The following PTPN5 variants were observed in gnomAD, a reference collection of about 807,000 sequenced individuals.
The protein encoded by PTPN5 is tyrosine-protein phosphatase non-receptor type 5.
Under a neutral mutation model 73.9 loss-of-function variants are expected in PTPN5, and 29 were observed. The ratio of observed to expected loss-of-function variants is 0.39; its 90% confidence interval spans 0.29 to 0.54. The LOEUF is 0.54. Ranked by LOEUF, PTPN5 falls within the 20% of genes least tolerant of loss-of-function variation. The pLI is 0.65. For missense variants in PTPN5, 652 were observed against 751.4 expected, an observed-to-expected ratio of 0.87 and a Z score of 1.55; for synonymous variants, 267 against 304.7, an observed-to-expected ratio of 0.88 and a Z score of 1.29.
At chr11:18,746,162 A>AATATATAT (rs773490900) in intron 3 of PTPN5, among the ~76,000 whole-genome samples, 1,932 of 67,500 alleles carry the variant, frequency 0.029, 86 homozygotes, top group Non-Finnish European at 0.031. Flanking sequence ...TATAAATATA[A>AATATATAT]ATATATATAT....
chr11:18,744,307 AGC>A (rs1849518362), intron 3 of PTPN5, 108 bp from the exon 4 acceptor site: 2 of 959,834 alleles, frequency 2.1e-6, no homozygotes, highest in Non-Finnish European at 1.4e-6. Flanking sequence ...GGGATCAGTC[AGC>A]GTGGCTCCAC....
Position 18,743,349 on chromosome 11 carries a change from C to T in PTPN5, c.372G>A (p.Leu124=), listed in dbSNP as rs757203068. The stretch of plus-strand genomic sequence containing the variant: ...TGGGTTCCAGCTGTTTCAGGAGCGT[C>T]AGCAAAGAGGAGACGAGGTTTGTGG... The part of the protein sequence containing the change: ...QNATNLVSSL[L]TLLKQLEPTA... Residue 124 remains leucine (L), a synonymous_variant, in exon 5 of 15, where the codon CTG becomes CTA. Transcript: ENST00000358540. The T allele has an allele frequency of 1.2e-5, 20 of 1,614,054 alleles. No individual in the cohort carries two copies. The South Asian group carries it at 2.2e-4, about 18-fold the overall frequency.
chr11:18,733,835 A>T lies in PTPN5; in HGVS notation c.1001-200T>A, dbSNP rs1241141295. Among the ~76,000 whole-genome samples the T allele has an allele frequency of 1.3e-5, 2 of 152,118 alleles. No individual in the cohort carries two copies. The highest frequency in any genetic ancestry group is 4.8e-5 in the African/African-American group (2 of 41,414). On this transcript the variant is annotated intron_variant, in intron 9 of 14. Transcript: ENST00000358540. This position sits in a 1 kb window ranked among gnomAD's most constrained non-coding sequence, Gnocchi z 4.3. ...AGGATGAGGAGGAGGGTGGAGAGAGAGGGGGGTCCCCGGGTCTCTACCTCT... is the reference window on the plus strand; with the variant it reads ...AGGATGAGGAGGAGGGTGGAGAGAGTGGGGGGTCCCCGGGTCTCTACCTCT...
At chr11:18,763,310 C>T (rs1026081419) in intron 3 of PTPN5, among the ~76,000 whole-genome samples, 3 of 152,212 alleles carry the variant, frequency 2.0e-5, no homozygotes, top group African/African-American at 7.2e-5. Context: ...ATGACAGTGG[C>T]TCCATGGGGA....
At chr11:18,732,454 G>A (rs755309113) in intron 12 of PTPN5, 138 bp downstream of exon 12, 41 of 689,078 alleles carry the variant, frequency 5.9e-5, no homozygotes, top group Non-Finnish European at 8.2e-5. Context: ...TCACTCATCC[G>A]TAATTATCAG....
At chr11:18,755,098 T>C (rs1416178260) in intron 3 of PTPN5, among the ~76,000 whole-genome samples, 1 of 152,230 alleles carries the variant, frequency 6.6e-6, no homozygotes, top group African/African-American at 2.4e-5. Flanking sequence ...CTCTCTTGGA[T>C]CACTCACTCT....
rs761861852 is a variant in PTPN5 at position 18,740,683 on chromosome 11, G to A, written c.835C>T (p.Leu279Phe). The A allele has an allele frequency of 5.6e-6, 9 of 1,609,174 alleles. No homozygotes were observed. Among genetic ancestry groups the A allele is most frequent in the Non-Finnish European group, 6.8e-6 (8 of 1,177,368 alleles). Reference protein sequence around the residue: ...PREESAREYLLSASRVLQAEE... With the variant: ...PREESAREYLFSASRVLQAEE... ...GCTTGGAGGACACGGGAGGCGCTGA[G>A]CAGGTACTCGCGGGCGGACTCCTCA... Residue 279 changes from leucine (L) to phenylalanine (F), a missense_variant, in exon 8 of 15, where the codon CTC becomes TTC. This residue lies in a region of PTPN5 where 529 missense variants were observed against 573.9 expected (regional missense o/e 0.92). Transcript: ENST00000358540.
Position 18,728,839 on chromosome 11 carries a change from A to T in PTPN5, c.*95T>A, listed in dbSNP as rs1383454268. Reference sequence around the variant, plus strand: ...AGAGGGAGCTGACTGAAGGGGAGGAAGCGGGGAGCAGGCCCAGGACCCGAG... The same window carrying T: ...AGAGGGAGCTGACTGAAGGGGAGGATGCGGGGAGCAGGCCCAGGACCCGAG... On this transcript the variant is annotated 3_prime_UTR_variant, in exon 15 of 15. Coordinates refer to ENST00000358540, the MANE Select transcript of PTPN5 (RefSeq NM_006906.2). This position sits in a 1 kb window ranked among gnomAD's most constrained non-coding sequence, Gnocchi z 4.1. The T allele has an allele frequency of 8.5e-7, 1 of 1,174,488 alleles. No individual in the cohort carries two copies. Among genetic ancestry groups the T allele is most frequent in the East Asian group, 2.4e-5 (1 of 41,412 alleles). 72.8% of individuals were successfully genotyped at this position (1,174,488 alleles called of 1,614,324 possible). A position where few individuals can be genotyped will look rare whatever the true frequency, so the allele number is the denominator to read the frequency against.
intron 1 of PTPN5, among the ~76,000 whole-genome samples, chr11:18,783,996 AAAC>A (rs984649019): frequency 6.6e-6 from 1 of 152,142 alleles, no homozygotes; most frequent in African/African-American, 2.4e-5. Context: ...TGCAGAACCC[AAAC>A]AACATTTAGT....
At chr11:18,789,310 C>T (rs564775489) in intron 1 of PTPN5, among the ~76,000 whole-genome samples, 56 of 152,258 alleles carry the variant, frequency 3.7e-4, no homozygotes, top group African/African-American at 9.1e-4. Flanking sequence ...TACATAAATA[C>T]GTGCTCCCAC....
intron 3 of PTPN5, among the ~76,000 whole-genome samples, chr11:18,750,060 C>A (rs1849816583): frequency 6.6e-6 from 1 of 152,152 alleles, no homozygotes; most frequent in South Asian, 2.1e-4. Context: ...ATATCTGGTT[C>A]AGCCCATTAA....
At chr11:18,776,594 C>G (rs558146163) in intron 1 of PTPN5, among the ~76,000 whole-genome samples, 2 of 152,146 alleles carry the variant, frequency 1.3e-5, no homozygotes, top group South Asian at 2.1e-4. Flanking sequence ...TCACTAGAAC[C>G]ATATGAGGTA....
At chr11:18,783,298 C>T (rs1157933606) in intron 1 of PTPN5, among the ~76,000 whole-genome samples, 1 of 152,212 alleles carries the variant, frequency 6.6e-6, no homozygotes, top group Non-Finnish European at 1.5e-5. Flanking sequence ...GTGAAGGGGT[C>T]TCCCTGAGTG....
chr11:18,741,277 C>T (rs1849353054), intron 7 of PTPN5, among the ~76,000 whole-genome samples: 1 of 152,142 alleles, frequency 6.6e-6, no homozygotes, highest in Non-Finnish European at 1.5e-5. Flanking sequence ...ACATATTGTC[C>T]AGGAGAGGCC....
At chr11:18,746,001 T>A (rs1196156508) in intron 3 of PTPN5, among the ~76,000 whole-genome samples, 1 of 151,672 alleles carries the variant, frequency 6.6e-6, no homozygotes, top group Non-Finnish European at 1.5e-5. Context: ...TTGTTCATCC[T>A]CATGTCTACA....
rs1032831531 is a variant in PTPN5, at chr11:18,744,102, G to A, written c.195C>T (p.Pro65=). The A allele has an allele frequency of 4.3e-6, 7 of 1,611,684 alleles. No individual in the cohort carries two copies. The highest frequency in any genetic ancestry group is 5.9e-6 in the Non-Finnish European group (7 of 1,179,100). The change falls in exon 4 of 15, where the codon CCC becomes CCT. Residue 65 remains proline, a synonymous_variant. Transcript: ENST00000358540. ...EMPPPPPPSP[P]SDPAQKPPPR... ...GTGGTGGCTTCTGAGCTGGATCTGA[G>A]GGCGGCGAGGGAGGAGGGGGTGGCG...
At chr11:18,788,226 T>C (rs760692567) in intron 1 of PTPN5, among the ~76,000 whole-genome samples, 7 of 152,162 alleles carry the variant, frequency 4.6e-5, no homozygotes, top group African/African-American at 7.2e-5. Context: ...ACCTAAACCA[T>C]TGTCATCATT....
Position 18,737,949 on chromosome 11 carries a change from A to T in PTPN5, c.931T>A (p.Phe311Ile). Residue 311 changes from phenylalanine (F) to isoleucine (I), a missense_variant, in exon 9 of 15, where the codon TTT (phenylalanine) becomes ATT (isoleucine). Coordinates refer to ENST00000358540, the MANE Select transcript of PTPN5 (RefSeq NM_006906.2). ...ATGTCGTACTCTTTCGGATCCACAA[A>T]GTTCATGGGGATTTCCTGTGGAAGG... ...QAEFFEIPMN[F>I]VDPKEYDIPG... The T allele has an allele frequency of 2.5e-6, 4 of 1,614,086 alleles. No individual in the cohort carries two copies. Among genetic ancestry groups the T allele is most frequent in the Non-Finnish European group, 3.4e-6 (4 of 1,179,968 alleles).
intron 5 of PTPN5, 69 bp downstream of exon 5, chr11:18,743,253 T>C: frequency 6.8e-7 from 1 of 1,467,064 alleles, no homozygotes; most frequent in Non-Finnish European, 9.6e-7. Context: ...AATCTGGAGG[T>C]TGGGGAGGGT....
Sources: gnomAD v4.1 joint callset for allele counts (sites outside exome capture counted in the v4.1 genomes callset) on GRCh38, gnomAD v4.1.1 for gene constraint, gnomAD v4.1.1 regional missense constraint, Gnocchi (gnomAD v3.1) non-coding constraint, MANE v1.5 for transcripts, NCBI Gene and HGNC (gene_info 2026-07-23, HGNC 2026-07-21) for gene names.